ZGPAT: variants seen among roughly 807,000 people sequenced by gnomAD.
ZGPAT encodes zinc finger CCCH-type and G-patch domain containing.
In ZGPAT, 39 loss-of-function variants were observed where a neutral mutation model predicts 47.9. That is an observed-to-expected ratio of 0.81 (90% CI 0.63 to 1.06). The LOEUF is 1.06. Among genes scored for constraint, ZGPAT ranks in the 50% least tolerant of loss-of-function variants. The probability of loss-of-function intolerance (pLI) is 0.00; values close to 1 mark genes in which losing one functional copy is unlikely to be tolerated. For synonymous variants in ZGPAT, 348 were observed against 292.9 expected (o/e 1.19, Z -1.92); for missense variants, 717 against 681.4 (o/e 1.05, Z -0.58).
chr20:63,721,074 G>A (rs1248891285), intron 2 of ZGPAT, among the ~76,000 whole-genome samples: 6 of 122,138 alleles, frequency 4.9e-5, no homozygotes, highest in Non-Finnish European at 1.1e-4. Context: ...TAAAGAGGCC[G>A]GGCGCAGTGG....
Position 63,719,380 on chromosome 20 carries a change from C to T in ZGPAT, c.584+10216C>T, listed in dbSNP as rs187151814. Among the ~76,000 whole-genome samples, 32 of 152,214 alleles carry T rather than the reference C, an allele frequency of 2.1e-4. 1 individual carries two copies. Among genetic ancestry groups the T allele is most frequent in the Admixed American group, 1.2e-3 (19 of 15,280 alleles). On this transcript the variant is annotated intron_variant, in intron 2 of 6. Transcript: ENST00000355969. Reference sequence around the variant, plus strand: ...GTTTTGTTTCTTTCTGTCTGTTTGCCGCTTATGGAACTTTATGCATACATT... The same window carrying T: ...GTTTTGTTTCTTTCTGTCTGTTTGCTGCTTATGGAACTTTATGCATACATT...
At chr20:63,735,001 C>T (rs1241906530) in intron 5 of ZGPAT, 158 bp from the exon 6 acceptor site, 1 of 1,333,400 alleles carries the variant, frequency 7.5e-7, no homozygotes, top group Non-Finnish European at 9.9e-7. Context: ...ACTGCCATCC[C>T]CGTGCTCCTC....
At chr20:63,709,221 G>T (rs779956510) in intron 2 of ZGPAT, 57 bp downstream of exon 2, 2 of 1,585,170 alleles carry the variant, frequency 1.3e-6, no homozygotes, top group Non-Finnish European at 1.7e-6. Flanking sequence ...ACGCACACAG[G>T]GTCGGGTCAG....
intron 2 of ZGPAT, among the ~76,000 whole-genome samples, chr20:63,731,033 AAGTC>A (rs1015627498): frequency 1.3e-5 from 2 of 149,756 alleles, no homozygotes; most frequent in Non-Finnish European, 3.0e-5. Context: ...TGATGCCTAA[AAGTC>A]AAGGCATCAC....
intron 2 of ZGPAT, among the ~76,000 whole-genome samples, chr20:63,714,935 T>A (rs1450101842): frequency 6.6e-6 from 1 of 151,948 alleles, no homozygotes; most frequent in Non-Finnish European, 1.5e-5. Context: ...GTCACTGCAC[T>A]GCACCCAGCT....
chr20:63,710,112 G>A (rs980265931), intron 2 of ZGPAT, among the ~76,000 whole-genome samples: 3 of 151,064 alleles, frequency 2.0e-5, no homozygotes, highest in Non-Finnish European at 2.9e-5. Context: ...CGCCCACCTT[G>A]GCCTCCCAAA....
At chr20:63,735,092 C>T in intron 5 of ZGPAT, 67 bp from the exon 6 acceptor site, 1 of 1,453,862 alleles carries the variant, frequency 6.9e-7, no homozygotes, top group Non-Finnish European at 9.1e-7. Flanking sequence ...ACAGCACTGC[C>T]ATCCCCGTGC....
Position 63,735,470 on chromosome 20 carries a change from C to G in ZGPAT, c.1303C>G (p.Leu435Val). 6.4e-7 allele frequency: 1 copy of G among 1,559,262 alleles called. No individual in the cohort carries two copies. Among genetic ancestry groups the G allele is most frequent in the Non-Finnish European group, 8.6e-7 (1 of 1,157,242 alleles). ...TGCCAGCAAGAGTGCCAAGCGGGCC[C>G]TGAGCCTGCGGCTCTTCCAGACTGA... is the stretch of plus-strand genomic sequence containing the variant. ...YHASKSAKRA[L>V]SLRLFQTEEK... Residue 435 changes from leucine to valine, a missense_variant, in exon 6 of 7, where the codon CTG (leucine) becomes GTG (valine). By Grantham distance (32) the Leu-to-Val change is conservative. Transcript: ENST00000355969.
intron 2 of ZGPAT, among the ~76,000 whole-genome samples, chr20:63,712,475 AT>A (rs1223178162): frequency 2.6e-5 from 4 of 152,200 alleles, no homozygotes; most frequent in Admixed American, 2.6e-4. Flanking sequence ...TTGTTTCTGG[AT>A]CCTTTGCAAT....
intron 2 of ZGPAT, among the ~76,000 whole-genome samples, chr20:63,709,414 G>T (rs1317077788): frequency 6.6e-6 from 1 of 152,212 alleles, no homozygotes; most frequent in African/African-American, 2.4e-5. Context: ...GAGGCGGGCA[G>T]ATCACCTGAG....
chr20:63,710,063 T>G (rs2091647757), intron 2 of ZGPAT, among the ~76,000 whole-genome samples: 1 of 151,896 alleles, frequency 6.6e-6, no homozygotes, highest in Admixed American at 6.6e-5. Flanking sequence ...GGTTTCACCA[T>G]GTTAGCCAGG....
chr20:63,725,258 A>G (rs2091833339), intron 2 of ZGPAT, among the ~76,000 whole-genome samples: 1 of 152,258 alleles, frequency 6.6e-6, no homozygotes, highest in African/African-American at 2.4e-5. Flanking sequence ...TGCTGGGATT[A>G]CAGGCGTGAG....
At chr20:63,725,241 C>T (rs2091833130) in intron 2 of ZGPAT, among the ~76,000 whole-genome samples, 1 of 152,224 alleles carries the variant, frequency 6.6e-6, no homozygotes, top group African/African-American at 2.4e-5. Flanking sequence ...GCCTTGGCCT[C>T]CCAAAGTGCT....
chr20:63,720,242 G>C (rs1447867490), intron 2 of ZGPAT, among the ~76,000 whole-genome samples: 10 of 151,626 alleles, frequency 6.6e-5, no homozygotes, highest in Non-Finnish European at 1.2e-4. Flanking sequence ...TGCAACCTCT[G>C]CCTCCTGGGT....
In ZGPAT at chr20:63,735,217, A is replaced by G; in HGVS notation, c.1050A>G (p.Arg350=). The change falls in exon 6 of 7, where the codon CGA becomes CGG. Residue 350 remains arginine, a synonymous_variant. Coordinates refer to ENST00000355969, the MANE Select transcript of ZGPAT (RefSeq NM_181485.3). The part of the protein sequence containing the change: ...VEPIHAVVLP[R]GKSLDQCVET... The stretch of plus-strand genomic sequence containing the variant: ...CCATCCATGCTGTGGTGTTGCCTCG[A>G]GGGAAGTCGCTGGACCAGTGTGTGG... The G allele has an allele frequency of 6.4e-7, 1 of 1,568,468 alleles. No homozygotes were observed. The highest frequency in any genetic ancestry group is 8.6e-7 in the Non-Finnish European group (1 of 1,157,224).
At chr20:63,726,937 C>T (rs1169368293) in intron 2 of ZGPAT, among the ~76,000 whole-genome samples, 1 of 152,188 alleles carries the variant, frequency 6.6e-6, no homozygotes, top group Non-Finnish European at 1.5e-5. Flanking sequence ...CTCCCCACAA[C>T]ACCATCATGC....
chr20:63,730,195 C>T (rs1226953574), intron 2 of ZGPAT: 1 of 152,218 alleles, frequency 6.6e-6, no homozygotes, highest in Non-Finnish European at 1.5e-5. Flanking sequence ...GTTTAACCCT[C>T]TCTTTTTGAA....
intron 2 of ZGPAT, among the ~76,000 whole-genome samples, chr20:63,715,055 T>A (rs1056818872): frequency 2.0e-5 from 3 of 152,186 alleles, no homozygotes; most frequent in South Asian, 4.1e-4. Flanking sequence ...CATCCTTGAA[T>A]TCCTCAGATA....
At chr20:63,716,019 T>C (rs1253046736) in intron 2 of ZGPAT, among the ~76,000 whole-genome samples, 1 of 152,182 alleles carries the variant, frequency 6.6e-6, no homozygotes, top group African/African-American at 2.4e-5. Flanking sequence ...TTGTTATAGG[T>C]CTATTCAGAT....
Sources: allele counts gnomAD v4.1 joint callset (sites outside exome capture counted in the v4.1 genomes callset), GRCh38; gene constraint gnomAD v4.1.1; transcripts MANE v1.5; gene names NCBI Gene and HGNC (gene_info 2026-07-23, HGNC 2026-07-21).